PDE7B: variants seen among roughly 807,000 people sequenced by gnomAD.
The protein encoded by PDE7B is phosphodiesterase 7B.
A neutral mutation model predicts 56.2 loss-of-function variants in PDE7B; 29 were observed. The ratio of observed to expected loss-of-function variants is 0.52; its 90% CI spans 0.38 to 0.70. PDE7B has a LOEUF of 0.70. Among genes scored for constraint, PDE7B ranks in the 30% least tolerant of loss-of-function variants. The probability of loss-of-function intolerance (pLI) is 0.00; values close to 1 mark genes in which losing one functional copy is unlikely to be tolerated. For missense variants in PDE7B, 490 were observed against 565.0 expected (o/e 0.87, Z 1.35); for synonymous variants, 197 against 196.9 (o/e 1.00, Z 0.00).
At chr6:136,183,385 A>G (rs954015107) in intron 11 of PDE7B, among the ~76,000 whole-genome samples, 2 of 152,078 alleles carry the variant, frequency 1.3e-5, no homozygotes, top group Non-Finnish European at 2.9e-5. Flanking sequence ...TGAGGTCAGG[A>G]GATAGAGATC....
chr6:135,924,359 C>T (rs147926078), intron 1 of PDE7B, among the ~76,000 whole-genome samples: 1,734 of 152,296 alleles, frequency 0.011, 16 homozygotes, highest in Non-Finnish European at 0.018. Context: ...CCACATTCTG[C>T]TCCCTCTAGA....
intron 2 of PDE7B, among the ~76,000 whole-genome samples, chr6:136,097,588 G>C (rs1408194211): frequency 6.6e-6 from 1 of 152,038 alleles, no homozygotes; most frequent in African/African-American, 2.4e-5. Flanking sequence ...TGCACCCAAA[G>C]TTGTTTTTAA....
chr6:136,150,136 A>C (rs1396752886), intron 5 of PDE7B, among the ~76,000 whole-genome samples: 1 of 152,222 alleles, frequency 6.6e-6, no homozygotes, highest in African/African-American at 2.4e-5. Context: ...AACTCAATTA[A>C]TTAGAGATCC....
At chr6:136,078,639 G>A (rs189718888) in intron 2 of PDE7B, among the ~76,000 whole-genome samples, 1 of 152,038 alleles carries the variant, frequency 6.6e-6, no homozygotes, top group Admixed American at 6.5e-5. Flanking sequence ...AAAGCTCTTT[G>A]GATTTTTTGA....
At chr6:135,985,389 ATGT>A (rs1775360484) in intron 2 of PDE7B, among the ~76,000 whole-genome samples, 1 of 152,188 alleles carries the variant, frequency 6.6e-6, no homozygotes. Flanking sequence ...TATTCTAGAA[ATGT>A]TGTTTCTTTG....
In PDE7B at chr6:136,098,133, T is replaced by C. The variant is rs1371840163; in HGVS notation, c.83-10598T>C. On this transcript the variant is annotated intron_variant, in intron 2 of 12. Transcript: ENST00000308191. ...ACACAATATAACTCTCTTTAGTTCC[T>C]GGGGGGGGGGGGGGAAATATATGTA... The C allele has an allele frequency of 1.4e-4, 7 of 51,382 alleles. No individual in the cohort carries two copies. In the South Asian group the frequency reaches 4.8e-3, roughly 35 times the overall value. 3.2% of individuals were successfully genotyped at this position (51,382 alleles called of 1,614,324 possible).
At chr6:135,929,635 A>G (rs1428155414) in intron 1 of PDE7B, among the ~76,000 whole-genome samples, 3 of 152,152 alleles carry the variant, frequency 2.0e-5, no homozygotes, top group Admixed American at 2.0e-4. Flanking sequence ...TTAAAAGTAC[A>G]TATGTGACTT....
At chr6:136,085,701 A>T (rs986620643) in intron 2 of PDE7B, among the ~76,000 whole-genome samples, 1 of 152,192 alleles carries the variant, frequency 6.6e-6, no homozygotes, top group Non-Finnish European at 1.5e-5. Context: ...AAAAGTCAAT[A>T]CTGAAAAGTG....
At chr6:136,130,511 ATCTT>A (rs1778099559) in intron 3 of PDE7B, among the ~76,000 whole-genome samples, 1 of 152,138 alleles carries the variant, frequency 6.6e-6, no homozygotes, top group South Asian at 2.1e-4. Context: ...TAGACAAATG[ATCTT>A]TCTTTTTCTT....
At chr6:136,120,833 T>C (rs1334147471) in intron 3 of PDE7B, among the ~76,000 whole-genome samples, 2 of 152,158 alleles carry the variant, frequency 1.3e-5, no homozygotes, top group Non-Finnish European at 2.9e-5. Flanking sequence ...TGTGGTCGCC[T>C]GGCTCAGCCT....
intron 2 of PDE7B, among the ~76,000 whole-genome samples, chr6:136,059,884 A>T (rs999465973): frequency 1.3e-5 from 2 of 152,190 alleles, no homozygotes; most frequent in Admixed American, 1.3e-4. Context: ...TATAGGAAGT[A>T]TTTGCCATAA....
chr6:136,018,191 T>C (rs961983644), intron 2 of PDE7B, among the ~76,000 whole-genome samples: 4 of 152,180 alleles, frequency 2.6e-5, no homozygotes, highest in African/African-American at 9.7e-5. Flanking sequence ...GATGGAACGA[T>C]TGGCAGGATC....
At chr6:135,991,366 A>G (rs986387157) in intron 2 of PDE7B, among the ~76,000 whole-genome samples, 2 of 152,188 alleles carry the variant, frequency 1.3e-5, no homozygotes, top group Admixed American at 6.5e-5. Context: ...TCCTTCCACA[A>G]TTAATACATA....
chr6:135,889,800 G>A (rs988771034), intron 1 of PDE7B, among the ~76,000 whole-genome samples: 2 of 125,644 alleles, frequency 1.6e-5, no homozygotes, highest in Non-Finnish European at 3.2e-5. Context: ...CTGTCACCCG[G>A]GAGTGCAAAT....
intron 3 of PDE7B, among the ~76,000 whole-genome samples, chr6:136,129,579 C>T (rs557059037): frequency 6.6e-6 from 1 of 152,334 alleles, no homozygotes; most frequent in Non-Finnish European, 1.5e-5. Flanking sequence ...TGACAGGAAA[C>T]TCTCCAGGAG....
intron 3 of PDE7B, among the ~76,000 whole-genome samples, chr6:136,145,200 T>C (rs893891886): frequency 6.6e-6 from 1 of 152,152 alleles, no homozygotes; most frequent in African/African-American, 2.4e-5. Flanking sequence ...TATTTACTTA[T>C]TTACCTTATC....
chr6:136,168,785 C>T (rs1687347552), intron 8 of PDE7B, among the ~76,000 whole-genome samples: 2 of 152,110 alleles, frequency 1.3e-5, no homozygotes, highest in Non-Finnish European at 2.9e-5. Flanking sequence ...ATTCAAACCA[C>T]AAGATTTTTA....
At chr6:135,934,485 G>T (rs11966219) in intron 1 of PDE7B, among the ~76,000 whole-genome samples, 3,825 of 151,646 alleles carry the variant, frequency 0.025, 163 homozygotes, top group African/African-American at 0.086. Flanking sequence ...CCAGCACTTT[G>T]GGAGGCCAAG....
intron 9 of PDE7B, among the ~76,000 whole-genome samples, chr6:136,176,516 AT>A (rs1478043359): frequency 2.0e-5 from 3 of 152,198 alleles, no homozygotes; most frequent in Admixed American, 6.5e-5. Flanking sequence ...ACCATGGTTT[AT>A]TTAACTAATC....
Sources: allele counts gnomAD v4.1 joint callset (sites outside exome capture counted in the v4.1 genomes callset), GRCh38; gene constraint gnomAD v4.1.1; transcripts MANE v1.5; gene names NCBI Gene and HGNC (gene_info 2026-07-23, HGNC 2026-07-21).